VEGFC: variants seen among roughly 807,000 people sequenced by gnomAD.
VEGFC encodes the protein FLT4 ligand DHM.
A neutral mutation model predicts 46.1 loss-of-function variants in VEGFC; 12 were observed. The observed-to-expected ratio is 0.26, with a 90% CI of 0.17 to 0.42. VEGFC has a LOEUF of 0.42. VEGFC is among the 10% of genes least tolerant of loss of function. The probability of loss-of-function intolerance (pLI) is 1.00; values close to 1 mark genes in which losing one functional copy is unlikely to be tolerated. For synonymous variants in VEGFC, 232 were observed against 195.5 expected (o/e 1.19, Z -1.56); for missense variants, 488 against 529.4 (o/e 0.92, Z 0.77).
chr4:176,719,120 T>G (rs2111006725), intron 3 of VEGFC, among the ~76,000 whole-genome samples: 1 of 152,264 alleles, frequency 6.6e-6, no homozygotes, highest in Admixed American at 6.5e-5. Flanking sequence ...GCTGGCTTCC[T>G]CACACGCCCT....
intron 1 of VEGFC, among the ~76,000 whole-genome samples, chr4:176,754,348 C>T (rs7663055): frequency 0.012 from 1,778 of 151,806 alleles, 17 homozygotes; most frequent in African/African-American, 0.03. Context: ...ATTAGAAATG[C>T]ATTTTTTTTT....
At chr4:176,775,945 T>C (rs1317356993) in intron 1 of VEGFC, among the ~76,000 whole-genome samples, 2 of 152,138 alleles carry the variant, frequency 1.3e-5, no homozygotes, top group African/African-American at 4.8e-5. Flanking sequence ...AACCTTTATT[T>C]ATTTGAAATG....
intron 1 of VEGFC, among the ~76,000 whole-genome samples, chr4:176,736,129 T>C (rs546630276): frequency 1.3e-5 from 2 of 151,904 alleles, no homozygotes; most frequent in Non-Finnish European, 2.9e-5. Flanking sequence ...AGAAAAATCT[T>C]GGAAGTAATT....
chr4:176,728,940 A>G (rs1401756899), intron 2 of VEGFC, among the ~76,000 whole-genome samples: 1 of 152,078 alleles, frequency 6.6e-6, no homozygotes, highest in African/African-American at 2.4e-5. Context: ...GCTTCAAGCA[A>G]TCCTCCCACT....
chr4:176,788,515 G>A (rs1056142352), intron 1 of VEGFC, among the ~76,000 whole-genome samples: 5 of 152,146 alleles, frequency 3.3e-5, no homozygotes, highest in Admixed American at 2.0e-4. Flanking sequence ...CATGCTTCTC[G>A]ATTTACGATG....
chr4:176,776,132 G>A (rs1735809909), intron 1 of VEGFC, among the ~76,000 whole-genome samples: 2 of 152,038 alleles, frequency 1.3e-5, no homozygotes, highest in South Asian at 4.2e-4. Context: ...CCATAATCGA[G>A]GCAACATATT....
intron 1 of VEGFC, among the ~76,000 whole-genome samples, chr4:176,742,489 ATTTT>A (rs1018589705): frequency 6.6e-6 from 1 of 151,936 alleles, no homozygotes; most frequent in African/African-American, 2.4e-5. Flanking sequence ...CTGTAGTTCT[ATTTT>A]TAGTTCTTTG....
intron 1 of VEGFC, among the ~76,000 whole-genome samples, chr4:176,735,630 T>C (rs1735041060): frequency 6.6e-6 from 1 of 151,814 alleles, no homozygotes; most frequent in Non-Finnish European, 1.5e-5. Context: ...TCAATGGAAA[T>C]TGTGAAACAC....
At chr4:176,758,839 A>C (rs1735479487) in intron 1 of VEGFC, among the ~76,000 whole-genome samples, 1 of 152,078 alleles carries the variant, frequency 6.6e-6, no homozygotes. Context: ...TCCTGTACTC[A>C]TACCATCACA....
chr4:176,764,891 C>T (rs1036602418), intron 1 of VEGFC, among the ~76,000 whole-genome samples: 3 of 151,684 alleles, frequency 2.0e-5, no homozygotes, highest in African/African-American at 7.3e-5. Context: ...ATAAGACTAA[C>T]AAAAAAATAG....
intron 4 of VEGFC, among the ~76,000 whole-genome samples, chr4:176,703,545 A>G (rs1734472491): frequency 6.6e-6 from 1 of 152,102 alleles, no homozygotes; most frequent in African/African-American, 2.4e-5. Flanking sequence ...TAGAAGAAAC[A>G]AGTTCTAGTA....
chr4:176,716,114 A>C (rs1345763034), intron 3 of VEGFC, among the ~76,000 whole-genome samples: 1 of 152,136 alleles, frequency 6.6e-6, no homozygotes, highest in African/African-American at 2.4e-5. Context: ...GCCAAGATTT[A>C]GTTAAATTTT....
At chr4:176,720,226 A>G (rs1453006232) in intron 3 of VEGFC, among the ~76,000 whole-genome samples, 1 of 152,134 alleles carries the variant, frequency 6.6e-6, no homozygotes, top group East Asian at 1.9e-4. Context: ...TGATACATCA[A>G]TACCCTAAGA....
At chr4:176,704,529 C>A (rs935639307) in intron 4 of VEGFC, among the ~76,000 whole-genome samples, 1 of 152,162 alleles carries the variant, frequency 6.6e-6, no homozygotes, top group African/African-American at 2.4e-5. Flanking sequence ...CATATGCTTT[C>A]TTGTATTTCA....
At chr4:176,685,972 G>A (rs181406625) in intron 6 of VEGFC, among the ~76,000 whole-genome samples, 2 of 152,172 alleles carry the variant, frequency 1.3e-5, no homozygotes, top group Admixed American at 1.3e-4. Flanking sequence ...ATATACTGTG[G>A]AAAAATAATA....
At chr4:176,740,591 A>G (rs1735155966) in intron 1 of VEGFC, among the ~76,000 whole-genome samples, 1 of 148,384 alleles carries the variant, frequency 6.7e-6, no homozygotes, top group Non-Finnish European at 1.5e-5. Flanking sequence ...ACATATAACT[A>G]TATATATATT....
intron 1 of VEGFC, among the ~76,000 whole-genome samples, chr4:176,745,722 T>C (rs1735249234): frequency 6.6e-6 from 1 of 152,156 alleles, no homozygotes; most frequent in Middle Eastern, 3.4e-3. Context: ...CAGAGGGGAA[T>C]GATCAGATGG....
intron 1 of VEGFC, among the ~76,000 whole-genome samples, chr4:176,761,516 T>TCAG (rs1462962272): frequency 6.6e-6 from 1 of 151,740 alleles, no homozygotes; most frequent in Non-Finnish European, 1.5e-5. Context: ...AATGAATAAA[T>TCAG]CAGCAAATAC....
chr4:176,781,704 G>T (rs1010680843), intron 1 of VEGFC, among the ~76,000 whole-genome samples: 3 of 152,304 alleles, frequency 2.0e-5, no homozygotes, highest in Non-Finnish European at 4.4e-5. Flanking sequence ...CTTGGGGCAG[G>T]GAGGGACCTG....
Sources: allele counts gnomAD v4.1 joint callset (sites outside exome capture counted in the v4.1 genomes callset), GRCh38; gene constraint gnomAD v4.1.1; transcripts MANE v1.5; gene names NCBI Gene and HGNC (gene_info 2026-07-23, HGNC 2026-07-21).